Variants in TYMP observed in about 807,000 individuals in gnomAD.
The protein encoded by TYMP is thymidine phosphorylase, also known as gliostatin.
TYMP carries 46 observed loss-of-function variants against 42.3 expected under a neutral mutation model. That is an observed-to-expected ratio of 1.09 (90% CI 0.86 to 1.39). The LOEUF (loss-of-function observed/expected upper bound fraction) is 1.39, where lower values mean the gene tolerates loss of function less well. Ranked by LOEUF, TYMP falls within the 40% of genes most tolerant of loss-of-function variation. The pLI, the probability that TYMP is intolerant of heterozygous loss-of-function variation, is 0.00. For synonymous variants in TYMP, 363 were observed against 308.0 expected, an observed-to-expected ratio of 1.18 and a Z score of -1.87; for missense variants, 837 against 677.6, an observed-to-expected ratio of 1.24 and a Z score of -2.61.
Position 50,529,515 on chromosome 22 carries a change from G to T in TYMP, c.195C>A (p.Ser65Arg), listed in dbSNP as rs142027728. Residue 65 changes from serine (S) to arginine (R), a missense_variant, in exon 2 of 10, where the codon AGC (serine) becomes AGA (arginine). By Grantham distance (110) the Ser-to-Arg change is moderately radical. Transcript: ENST00000252029. ...ACGCACCGATCTGTGCGCCCTGCGC[G>T]CTCCCATTCACCACAGCGGCCACGA... ...RGFVAAVVNG[S>R]AQGAQIGAML... 5.0e-6 allele frequency: 8 copies of T among 1,612,872 alleles called. No homozygotes were observed. The highest frequency in any genetic ancestry group is 1.6e-4 in the Middle Eastern group (1 of 6,062).
Position 50,527,289 on chromosome 22 carries a change from G to T in TYMP, c.647-6C>A. On this transcript the variant is annotated splice_polypyrimidine_tract_variant and splice_region_variant and intron_variant, in intron 5 of 9. Coordinates refer to ENST00000252029, the MANE Select transcript of TYMP (RefSeq NM_001953.5). ...TTTCTTACTGAGAATGGAGGCTTTGGGGGAGGCAGAGGAGGTTGGAGACAA... is the reference window on the plus strand; with the variant it reads ...TTTCTTACTGAGAATGGAGGCTTTGTGGGAGGCAGAGGAGGTTGGAGACAA... 2.5e-6 allele frequency: 4 copies of T among 1,607,652 alleles called. No homozygotes were observed. Among genetic ancestry groups the T allele is most frequent in the Admixed American group, 1.7e-5 (1 of 60,008 alleles).
rs544114409 is a variant in TYMP at position 50,529,418 on chromosome 22, G to A, written c.214+78C>T. On this transcript the variant is annotated intron_variant, in intron 2 of 9. Transcript: ENST00000252029. ...GGGCCGGTGCTGGTAGTGGGGCACC[G>A]TCGCACCCCCAGGGACCCAAAGTCT... 7.5e-6 allele frequency: 12 copies of A among 1,603,398 alleles called. No homozygotes were observed. The East Asian group carries it at 1.1e-4, about 15-fold the overall frequency.
intron 5 of TYMP, 54 bp from the exon 6 acceptor site, chr22:50,527,337 G>A (rs1217529931): frequency 1.3e-6 from 2 of 1,487,042 alleles, no homozygotes. Context: ...AGCTTCTTGG[G>A]AGAGTTCGGG....
intron 9 of TYMP, 35 bp from the exon 10 acceptor site, chr22:50,525,953 C>G: frequency 7.2e-7 from 1 of 1,393,064 alleles, no homozygotes; most frequent in East Asian, 3.0e-5. Context: ...GCCGCGCGGC[C>G]GGAGCTGGGC....
chr22:50,527,194 C>T lies in TYMP; in HGVS notation c.736G>A (p.Glu246Lys), dbSNP rs567858165. The T allele has an allele frequency of 7.4e-6, 12 of 1,613,400 alleles. No individual in the cohort carries two copies. In the Admixed American group the frequency reaches 8.3e-5, roughly 11 times the overall value. The change falls in exon 6 of 10, where the codon GAG becomes AAG. Residue 246 changes from glutamate (E) to lysine (K), a missense_variant. Transcript: ENST00000252029. ...GTCTTTGCCAGCTCCCGGGCCTGCT[C>T]CTGGTTGGGGAAGACGGCGGCCCCT... ...FGGAAVFPNQ[E>K]QARELAKTLV...
At chr22:50,525,963 CG>C in intron 9 of TYMP, 37 bp downstream of exon 9, 9 of 1,366,682 alleles carry the variant, frequency 6.6e-6, no homozygotes, top group Non-Finnish European at 7.5e-6. Context: ...CGGAGCTGGG[CG>C]GGGGTGCGGG....
Position 50,529,228 on chromosome 22 carries a change from G to A in TYMP, c.325C>T (p.Arg109Cys), listed in dbSNP as rs1015620650. The stretch of plus-strand genomic sequence containing the variant: ...GAATGCTTGTCCACAAGCTGCTGGC[G>A]CCAGGCCTCTGGCCACTCCAGCTGC... ...GQQLEWPEAW[R>C]QQLVDKHSTG... The change falls in exon 3 of 10, where the codon CGC becomes TGC. Residue 109 changes from arginine to cysteine, a missense_variant. Physicochemically the swap from Arg to Cys is radical, Grantham distance 180 (BLOSUM62 -3). Coordinates refer to ENST00000252029, the MANE Select transcript of TYMP (RefSeq NM_001953.5). 22 of 1,613,070 alleles carry A rather than the reference G, an allele frequency of 1.4e-5. No homozygotes were observed. The highest frequency in any genetic ancestry group is 8.0e-5 in the African/African-American group (6 of 74,914).
At chr22:50,525,978 A>G in intron 9 of TYMP, 23 bp downstream of exon 9, 1 of 1,389,740 alleles carries the variant, frequency 7.2e-7, no homozygotes. Context: ...GTGCGGGGCC[A>G]GCAGGGCGGG....
In TYMP at chr22:50,529,559, C is replaced by T. The variant is rs768461642; in HGVS notation, c.151G>A (p.Glu51Lys). ...GCCACGAAGCCCCTGATGTCCGCTT[C>T]GCTCAGGCGGCCTCCGTCTCGCTTC... ...RMKRDGGRLS[E>K]ADIRGFVAAV... The change falls in exon 2 of 10, where the codon GAA becomes AAA. Residue 51 changes from glutamate to lysine, a missense_variant. Transcript: ENST00000252029. 23 of 1,613,142 alleles carry T rather than the reference C, an allele frequency of 1.4e-5. No individual in the cohort carries two copies. Among genetic ancestry groups the T allele is most frequent in the South Asian group, 2.2e-5 (2 of 91,088 alleles).
intron 1 of TYMP, 59 bp downstream of exon 1, chr22:50,529,845 C>T (rs939910587): frequency 2.5e-6 from 2 of 815,428 alleles, no homozygotes; most frequent in Non-Finnish European, 1.9e-6. Context: ...GTGTCTGTGT[C>T]GCCCTCGTCC....
chr22:50,526,789 C>A lies in TYMP; in HGVS notation c.766-51G>T, dbSNP rs1242280607. ...CCCCCCATGGCGGGGCCTTCTGCAG[C>A]CGGTTCTTGGTCGAACTCCAGCCCC... On this transcript the variant is annotated intron_variant, in intron 6 of 9. Coordinates refer to ENST00000252029, the MANE Select transcript of TYMP (RefSeq NM_001953.5). 3.3e-6 allele frequency: 5 copies of A among 1,522,316 alleles called. No homozygotes were observed. The African/African-American group carries it at 6.9e-5, about 21-fold the overall frequency. 94.3% of individuals were successfully genotyped at this position (1,522,316 alleles called of 1,614,324 possible).
intron 4 of TYMP, 77 bp from the exon 5 acceptor site, chr22:50,527,794 G>GTT: frequency 7.0e-7 from 1 of 1,432,182 alleles, no homozygotes; most frequent in African/African-American, 1.9e-5. Flanking sequence ...TTTTTTTTCT[G>GTT]TGAAGAGTCT....
intron 3 of TYMP, 74 bp from the exon 4 acceptor site, chr22:50,528,684 G>T: frequency 4.2e-6 from 5 of 1,181,568 alleles, no homozygotes; most frequent in Non-Finnish European, 6.2e-6. Flanking sequence ...ACCTTCCCTG[G>T]CTAGGAGTGC....
chr22:50,525,805 G>C lies in TYMP; in HGVS notation c.1414C>G (p.Pro472Ala). The change falls in exon 10 of 10, where the codon CCC becomes GCC. Residue 472 changes from proline to alanine, a missense_variant. Coordinates refer to ENST00000252029, the MANE Select transcript of TYMP (RefSeq NM_001953.5). Reference protein sequence around the residue: ...SDRAPFAAPSPFAELVLPPQQ With the variant: ...SDRAPFAAPSAFAELVLPPQQ ...GGCGGCAGAACGAGCTCTGCGAAGG[G>C]CGAGGGGGCGGCGAATGGCGCGCGG... 1 of 1,610,748 alleles carries C rather than the reference G, an allele frequency of 6.2e-7. No homozygotes were observed. The highest frequency in any genetic ancestry group is 8.5e-7 in the Non-Finnish European group (1 of 1,179,016).
Position 50,526,739 on chromosome 22 carries a change from C to A in TYMP, c.766-1G>T. The A allele has an allele frequency of 6.5e-7, 1 of 1,535,670 alleles. No individual in the cohort carries two copies. On this transcript the variant is annotated splice_acceptor_variant, in intron 6 of 9. Transcript: ENST00000252029. LOFTEE classifies it high-confidence loss of function. ...GCCCTAGGCTGGCTCCCACGCCAAC[C>A]TGCGGAGAGGAGGCTCAGCGTGGAC...
chr22:50,527,806 C>T (rs397843954), intron 4 of TYMP, 89 bp from the exon 5 acceptor site: 10 of 1,533,616 alleles, frequency 6.5e-6, no homozygotes, highest in African/African-American at 4.4e-5. Flanking sequence ...GAAGAGTCTT[C>T]CTCTGTTGCC....
At position 50,528,508 on chromosome 22, in the gene TYMP, G is replaced by T. The variant is rs369574115; in HGVS notation, c.516+4C>A. The T allele has an allele frequency of 8.1e-6, 13 of 1,613,298 alleles. No homozygotes were observed. The highest frequency in any genetic ancestry group is 1.7e-5 in the Admixed American group (1 of 59,990). The stretch of plus-strand genomic sequence containing the variant: ...ATTAATGACTGATCCGTGGCGCCCC[G>T]TACCTGCTCTGGGCTCTGGATGACA... On this transcript the variant is annotated splice_donor_region_variant and intron_variant, in intron 4 of 9. Transcript: ENST00000252029.
rs1394951112 is a variant in TYMP at position 50,525,814 on chromosome 22, C to G, written c.1405G>C (p.Ala469Pro). 1 of 1,610,222 alleles carries G rather than the reference C, an allele frequency of 6.2e-7. No homozygotes were observed. The highest frequency in any genetic ancestry group is 1.3e-5 in the African/African-American group (1 of 74,942). ...ACGAGCTCTGCGAAGGGCGAGGGGG[C>G]GGCGAATGGCGCGCGGTCGGAGAGT... is the stretch of plus-strand genomic sequence containing the variant. ...LVLSDRAPFAAPSPFAELVLP... is the reference protein window; with the variant it reads ...LVLSDRAPFAPPSPFAELVLP... Residue 469 changes from alanine to proline, a missense_variant, in exon 10 of 10, where the codon GCC (alanine) becomes CCC (proline). Physicochemically the swap from Ala to Pro is conservative, Grantham distance 27 (BLOSUM62 -1). Coordinates refer to ENST00000252029, the MANE Select transcript of TYMP (RefSeq NM_001953.5).
chr22:50,528,479 C>G (rs140329664), intron 4 of TYMP, 33 bp downstream of exon 4: 23 of 1,572,196 alleles, frequency 1.5e-5, no homozygotes, highest in Admixed American at 1.2e-4. Context: ...CATCATCAAC[C>G]TGGATTAATG....
Sources: allele counts gnomAD v4.1 joint callset, GRCh38; gene constraint gnomAD v4.1.1; transcripts MANE v1.5; gene names NCBI Gene and HGNC (gene_info 2026-07-23, HGNC 2026-07-21).